The following EDEM2 variants were observed in gnomAD, a reference collection of about 807,000 sequenced individuals.
EDEM2 encodes the protein ER degradation enhancing alpha-mannosidase like protein 2.
Under a neutral mutation model 64.8 loss-of-function variants are expected in EDEM2, and 39 were observed. The observed-to-expected ratio is 0.60, with a 90% CI of 0.47 to 0.79. The LOEUF (loss-of-function observed/expected upper bound fraction) is 0.79. EDEM2 is among the 30% of genes least tolerant of loss of function. The pLI, the probability that EDEM2 is intolerant of heterozygous loss-of-function variation, is 0.00. For synonymous variants in EDEM2, 296 were observed against 291.5 expected (o/e 1.02, Z -0.16); for missense variants, 609 against 731.3 (o/e 0.83, Z 1.93).
chr20:35,123,782 A>AAG, intron 9 of EDEM2, 108 bp downstream of exon 9: 1 of 1,384,308 alleles, frequency 7.2e-7, no homozygotes, highest in Non-Finnish European at 9.8e-7. Context: ...AACAGATGGA[A>AAG]AGAAATGAAC....
intron 6 of EDEM2, among the ~76,000 whole-genome samples, chr20:35,133,796 G>A (rs1004758971): frequency 7.2e-5 from 11 of 152,116 alleles, no homozygotes; most frequent in African/African-American, 2.4e-4. Flanking sequence ...AGGGATTTTC[G>A]GGGAGTCCTC....
chr20:35,117,613 A>G (rs1346624275), intron 10 of EDEM2, among the ~76,000 whole-genome samples: 1 of 152,240 alleles, frequency 6.6e-6, no homozygotes, highest in Admixed American at 6.5e-5. Flanking sequence ...CTTCCCCTAC[A>G]CATATCTATA....
At chr20:35,129,553 A>ATG (rs2085480834) in intron 7 of EDEM2, among the ~76,000 whole-genome samples, 1 of 150,760 alleles carries the variant, frequency 6.6e-6, no homozygotes, top group South Asian at 2.1e-4. Flanking sequence ...CCTGGGCAAC[A>ATG]GAGCAAGACT....
rs994511980 is a variant in EDEM2, at chr20:35,137,787, C to T, written c.490+93G>A. The T allele has an allele frequency of 2.6e-6, 4 of 1,516,770 alleles. No individual in the cohort carries two copies. The Admixed American group carries it at 8.4e-5, about 32-fold the overall frequency. 94.0% of individuals were successfully genotyped at this position (1,516,770 alleles called of 1,614,324 possible). On this transcript the variant is annotated intron_variant, in intron 5 of 10. Coordinates refer to ENST00000374492, the MANE Select transcript of EDEM2 (RefSeq NM_018217.3). ...ACCAAATACACCTGGTGAGAAATAC[C>T]AGGAATTAATTCAGCACTGCCACTC...
At chr20:35,123,134 G>T (rs1371099734) in intron 9 of EDEM2, among the ~76,000 whole-genome samples, 1 of 152,144 alleles carries the variant, frequency 6.6e-6, no homozygotes, top group Non-Finnish European at 1.5e-5. Flanking sequence ...AAGAGACTAG[G>T]TAATTCCTAA....
rs373749622 is a variant in EDEM2 at position 35,142,358 on chromosome 20, G to C, written c.364+15C>G. On this transcript the variant is annotated intron_variant, in intron 4 of 10. Coordinates refer to ENST00000374492, the MANE Select transcript of EDEM2 (RefSeq NM_018217.3). ...ACTCTTTTTTCTTTTAAAGGTCCTAGAGAGCAGCCCTTACCTCGAATGTTT... is the reference window on the plus strand; with the variant it reads ...ACTCTTTTTTCTTTTAAAGGTCCTACAGAGCAGCCCTTACCTCGAATGTTT... 5 of 1,597,094 alleles carry C rather than the reference G, an allele frequency of 3.1e-6. No individual in the cohort carries two copies. In the African/African-American group the frequency reaches 4.0e-5, roughly 13 times the overall value.
In EDEM2 at chr20:35,146,828, C is replaced by T; in HGVS notation, c.215G>A (p.Gly72Asp). Residue 72 changes from glycine to aspartate, a missense_variant, in exon 2 of 11, where the codon GGC (glycine) becomes GAC (aspartate). Physicochemically the swap from Gly to Asp is moderately conservative, Grantham distance 94 (BLOSUM62 -1). Coordinates refer to ENST00000374492, the MANE Select transcript of EDEM2 (RefSeq NM_018217.3). ...PLTCDGHDTW[G>D]SFSLTLIDAL... ...CTTGCCCCTCCGCTCGCACTACCTG[C>T]CCCAGGTGTCGTGCCCGTCACAGGT... The T allele has an allele frequency of 6.2e-7, 1 of 1,613,878 alleles. No homozygotes were observed. Among genetic ancestry groups the T allele is most frequent in the Non-Finnish European group, 8.5e-7 (1 of 1,179,948 alleles).
chr20:35,138,142 C>T (rs144840163), intron 4 of EDEM2, 137 bp from the exon 5 acceptor site: 53 of 1,250,500 alleles, frequency 4.2e-5, no homozygotes, highest in African/African-American at 3.8e-4. Flanking sequence ...AGCTATTTCA[C>T]GGGTAAAAAC....
intron 9 of EDEM2, among the ~76,000 whole-genome samples, chr20:35,120,119 C>T (rs527702196): frequency 2.0e-5 from 3 of 152,220 alleles, no homozygotes; most frequent in East Asian, 3.9e-4. Flanking sequence ...GCTGGAGTGC[C>T]ATGGTGCGAT....
chr20:35,141,087 T>C lies in EDEM2; in HGVS notation c.364+1286A>G, dbSNP rs144804136. Among the ~76,000 whole-genome samples the C allele has an allele frequency of 1.5e-3, 172 of 111,210 alleles. 1 individual carries two copies. The highest frequency in any genetic ancestry group is 5.9e-3 in the African/African-American group (164 of 27,838). 73.0% of individuals were successfully genotyped at this position (111,210 alleles called of 152,430 possible). ...GTAAGCCAAGATTGCACCACTACACTCCCGCCTGGGCGACAGAGTGAGACT... is the reference window on the plus strand; with the variant it reads ...GTAAGCCAAGATTGCACCACTACACCCCCGCCTGGGCGACAGAGTGAGACT... On this transcript the variant is annotated intron_variant, in intron 4 of 10. Transcript: ENST00000374492.
chr20:35,116,725 C>A (rs2085313767), intron 10 of EDEM2, among the ~76,000 whole-genome samples: 1 of 152,070 alleles, frequency 6.6e-6, no homozygotes, highest in South Asian at 2.1e-4. Flanking sequence ...GCAGAGTATT[C>A]CATCGTGAAA....
intron 2 of EDEM2, among the ~76,000 whole-genome samples, chr20:35,146,229 T>C (rs568656980): frequency 4.6e-5 from 7 of 152,154 alleles, no homozygotes; most frequent in Non-Finnish European, 7.3e-5. Flanking sequence ...TGTATTTACT[T>C]TGTTTCAACT....
chr20:35,137,079 G>A (rs1006710497), intron 5 of EDEM2, among the ~76,000 whole-genome samples: 1 of 152,162 alleles, frequency 6.6e-6, no homozygotes, highest in African/African-American at 2.4e-5. Flanking sequence ...CGATGTGGTA[G>A]GGAAGTAGAA....
At chr20:35,143,822 T>C (rs55829662) in intron 3 of EDEM2, among the ~76,000 whole-genome samples, 28,287 of 152,122 alleles carry the variant, frequency 0.19, 3,023 homozygotes, top group East Asian at 0.26. Flanking sequence ...ACTTGAGCAA[T>C]GTTGGCCTCC....
At chr20:35,121,068 A>C (rs927442) in intron 9 of EDEM2, among the ~76,000 whole-genome samples, 1 of 152,094 alleles carries the variant, frequency 6.6e-6, no homozygotes, top group Non-Finnish European at 1.5e-5. Context: ...GACCAGTTTC[A>C]TGGAAGACAA....
intron 4 of EDEM2, among the ~76,000 whole-genome samples, chr20:35,141,810 C>T (rs1421080158): frequency 1.3e-5 from 2 of 151,814 alleles, no homozygotes; most frequent in Non-Finnish European, 2.9e-5. Flanking sequence ...TTCCTATGGG[C>T]TGCCAAGTTT....
rs1047863535 is a variant in EDEM2, at chr20:35,118,469, G to A, written c.1236+129C>T. 3.6e-6 allele frequency: 5 copies of A among 1,378,522 alleles called. No homozygotes were observed. In the African/African-American group the frequency reaches 4.3e-5, roughly 12 times the overall value. 85.4% of individuals were successfully genotyped at this position (1,378,522 alleles called of 1,614,324 possible). ...TGGTCTCCCCATCTGTAAAATATGA[G>A]CATTATGTATATCTCCAAGGTCCCT... On this transcript the variant is annotated intron_variant, in intron 10 of 10. Coordinates refer to ENST00000374492, the MANE Select transcript of EDEM2 (RefSeq NM_018217.3).
intron 5 of EDEM2, among the ~76,000 whole-genome samples, chr20:35,137,411 T>G (rs1330297096): frequency 1.4e-4 from 21 of 152,036 alleles, no homozygotes; most frequent in Admixed American, 1.4e-3. Context: ...AGAACAAGAC[T>G]CCATCACAAA....
chr20:35,134,490 A>G (rs998344945), intron 6 of EDEM2, among the ~76,000 whole-genome samples: 1 of 152,210 alleles, frequency 6.6e-6, no homozygotes, highest in African/African-American at 2.4e-5. Flanking sequence ...CCTAGAAATC[A>G]GAGAATCTCA....
Sources: gnomAD v4.1 joint callset for allele counts (sites outside exome capture counted in the v4.1 genomes callset) on GRCh38, gnomAD v4.1.1 for gene constraint, MANE v1.5 for transcripts, NCBI Gene and HGNC (gene_info 2026-07-23, HGNC 2026-07-21) for gene names.